DCHS1: variants seen among roughly 807,000 people sequenced by gnomAD.
The protein encoded by DCHS1 is protocadherin-16.
DCHS1 carries 78 observed loss-of-function variants against 213.9 expected under a neutral mutation model. The observed-to-expected ratio is 0.36, with a 90% CI of 0.30 to 0.44. The LOEUF is 0.44. DCHS1 is among the 20% of genes least tolerant of loss of function. The pLI, the probability that DCHS1 is intolerant of heterozygous loss-of-function variation, is 1.00. For missense variants in DCHS1, 3,946 were observed against 4,395.9 expected (o/e 0.90, Z 2.89); for synonymous variants, 1,828 against 1,873.7 (o/e 0.98, Z 0.63).
intron 1 of DCHS1, among the ~76,000 whole-genome samples, chr11:6,642,093 TG>T (rs1290234596): frequency 2.0e-5 from 3 of 152,192 alleles, no homozygotes; most frequent in Admixed American, 6.5e-5. Flanking sequence ...TCTATAACCA[TG>T]TATTTGGTAA....
Position 6,632,002 on chromosome 11 carries a change from G to A in DCHS1, c.3481+29C>T, listed in dbSNP as rs367892897. The A allele has an allele frequency of 2.0e-5, 30 of 1,495,280 alleles. No homozygotes were observed. Among genetic ancestry groups the A allele is most frequent in the South Asian group, 1.8e-4 (13 of 73,476 alleles). 92.6% of individuals were successfully genotyped at this position (1,495,280 alleles called of 1,614,324 possible). The stretch of plus-strand genomic sequence containing the variant: ...CACCAGGCTGGGGATAAGGCTATGC[G>A]GTCTCAGGATTTGGGTCTCTGTGCT... On this transcript the variant is annotated intron_variant, in intron 6 of 20. Transcript: ENST00000299441. The surrounding 1 kb of genome is among the most constrained non-coding windows in gnomAD (Gnocchi z 5.9).
chr11:6,639,701 C>T, intron 2 of DCHS1, 116 bp downstream of exon 2: 1 of 893,910 alleles, frequency 1.1e-6, no homozygotes, highest in Non-Finnish European at 1.7e-6. Flanking sequence ...GGGCAGAACC[C>T]TCTAGCATAA....
At chr11:6,635,800 A>G (rs974047001) in intron 2 of DCHS1, among the ~76,000 whole-genome samples, 2 of 152,242 alleles carry the variant, frequency 1.3e-5, no homozygotes, top group African/African-American at 4.8e-5. Flanking sequence ...GAAGAAAGCA[A>G]TAAACAGTGG....
At chr11:6,642,260 A>C (rs1385486421) in intron 1 of DCHS1, among the ~76,000 whole-genome samples, 1 of 152,150 alleles carries the variant, frequency 6.6e-6, no homozygotes, top group East Asian at 1.9e-4. Flanking sequence ...TCCATTCAAC[A>C]AGAGATTGAG....
Position 6,626,940 on chromosome 11 carries a change from A to G in DCHS1, c.6099T>C (p.Asp2033=). ...ARSPVALGPR[D]RVLFIVATDL... is the part of the protein sequence containing the mutation. ...CAGTGGCCACAATGAAGAGGACACG[A>G]TCTCGGGGGCCTAGAGCTACAGGAG... Residue 2033 remains aspartate (D), a synonymous_variant, in exon 14 of 21, where the codon GAT becomes GAC. Coordinates refer to ENST00000299441, the MANE Select transcript of DCHS1 (RefSeq NM_003737.4). The surrounding 1 kb of genome is among the most constrained non-coding windows in gnomAD (Gnocchi z 5.2). 3 of 1,613,688 alleles carry G rather than the reference A, an allele frequency of 1.9e-6. No homozygotes were observed. The highest frequency in any genetic ancestry group is 2.5e-6 in the Non-Finnish European group (3 of 1,179,876).
At chr11:6,636,203 T>C (rs181821294) in intron 2 of DCHS1, among the ~76,000 whole-genome samples, 1 of 152,236 alleles carries the variant, frequency 6.6e-6, no homozygotes, top group East Asian at 1.9e-4. Context: ...TTTCAAAACA[T>C]AAATTATTTA....
chr11:6,621,795 G>A lies in DCHS1; in HGVS notation c.9881C>T (p.Thr3294Met), dbSNP rs761356492. ...GGGCCACAGCTAGATGTGCAGCTCC[G>A]TGTCATCAGGTGGCTCCAGGCCAGA... Reference protein sequence around the residue: ...AESGLEPPDDTELHI With the variant: ...AESGLEPPDDMELHI Residue 3294 changes from threonine (T) to methionine (M), a missense_variant, in exon 21 of 21, where the codon ACG becomes ATG. Thr to Met is a moderately conservative substitution (Grantham distance 81). This residue lies in a region of DCHS1 where 554 missense variants were observed against 590.2 expected (regional missense o/e 0.94). Transcript: ENST00000299441. 1.2e-4 allele frequency: 189 copies of A among 1,590,856 alleles called. No homozygotes were observed. Among genetic ancestry groups the A allele is most frequent in the Non-Finnish European group, 1.5e-4 (173 of 1,169,268 alleles).
Position 6,628,527 on chromosome 11 carries a change from A to T in DCHS1, c.5371+94T>A. Reference sequence around the variant, plus strand: ...GGACGACATCAAGAGGGAAAAGGAGACCCAGACACATGCACTGAGGCTGAC... The same window carrying T: ...GGACGACATCAAGAGGGAAAAGGAGTCCCAGACACATGCACTGAGGCTGAC... On this transcript the variant is annotated intron_variant, in intron 13 of 20. Transcript: ENST00000299441. The surrounding 1 kb of genome is among the most constrained non-coding windows in gnomAD (Gnocchi z 4.3). The T allele has an allele frequency of 1.4e-6, 2 of 1,405,546 alleles. No homozygotes were observed. Among genetic ancestry groups the T allele is most frequent in the Non-Finnish European group, 1.0e-6 (1 of 998,062 alleles). 87.1% of individuals were successfully genotyped at this position (1,405,546 alleles called of 1,614,324 possible). A position where few individuals can be genotyped will look rare whatever the true frequency, so the allele number is the denominator to read the frequency against.
chr11:6,645,164 C>T (rs193239096), intron 1 of DCHS1, among the ~76,000 whole-genome samples: 1 of 152,368 alleles, frequency 6.6e-6, no homozygotes, highest in Admixed American at 6.5e-5. Context: ...AGCACCATCC[C>T]CTGATAGGCC....
At chr11:6,638,469 C>T (rs892851881) in intron 2 of DCHS1, among the ~76,000 whole-genome samples, 2 of 152,242 alleles carry the variant, frequency 1.3e-5, no homozygotes, top group Non-Finnish European at 2.9e-5. Context: ...ATTAGTACAG[C>T]TGATGCCAGC....
intron 3 of DCHS1, 47 bp from the exon 4 acceptor site, chr11:6,634,067 G>A (rs777702889): frequency 1.2e-6 from 2 of 1,603,246 alleles, no homozygotes; most frequent in African/African-American, 2.7e-5. Context: ...ATCTGGCCCT[G>A]GTGAGTGCCC....
In DCHS1 at chr11:6,634,262, G is replaced by T; in HGVS notation, c.1842C>A (p.Ser614=). 1 of 1,612,948 alleles carries T rather than the reference G, an allele frequency of 6.2e-7. No individual in the cohort carries two copies. The highest frequency in any genetic ancestry group is 1.1e-5 in the South Asian group (1 of 90,932). Residue 614 remains serine (S), a synonymous_variant, in exon 3 of 21, where the codon TCC becomes TCA. Coordinates refer to ENST00000299441, the MANE Select transcript of DCHS1 (RefSeq NM_003737.4). ...DADSGPFGLL[S]YSLGAGLGSS... is the part of the protein sequence containing the mutation. Reference sequence around the variant, plus strand: ...ACCCAAGTCCAGCACCCAAGGAATAGGAGAGGAGGCCAAATGGGCCACTAT... The same window carrying T: ...ACCCAAGTCCAGCACCCAAGGAATATGAGAGGAGGCCAAATGGGCCACTAT...
rs1204202977 is a variant in DCHS1 at position 6,641,277 on chromosome 11, C to T, written c.337G>A (p.Asp113Asn). ...TARVLDREQR[D>N]RYRFTAVTPD... is the part of the protein sequence containing the mutation. Reference sequence around the variant, plus strand: ...GTGACTGCAGTGAAGCGGTAGCGGTCCCGCTGCTCACGGTCCAAGACACGG... The same window carrying T: ...GTGACTGCAGTGAAGCGGTAGCGGTTCCGCTGCTCACGGTCCAAGACACGG... Residue 113 changes from aspartate to asparagine, a missense_variant, in exon 2 of 21, where the codon GAC (aspartate) becomes AAC (asparagine). By Grantham distance (23) the Asp-to-Asn change is conservative (BLOSUM62 1). Coordinates refer to ENST00000299441, the MANE Select transcript of DCHS1 (RefSeq NM_003737.4). The surrounding 1 kb of genome is among the most constrained non-coding windows in gnomAD (Gnocchi z 7.1). 3.1e-6 allele frequency: 5 copies of T among 1,613,570 alleles called. No individual in the cohort carries two copies. Among genetic ancestry groups the T allele is most frequent in the Non-Finnish European group, 4.2e-6 (5 of 1,179,902 alleles).
In DCHS1 at chr11:6,632,765, A is replaced by G; in HGVS notation, c.2747T>C (p.Leu916Pro). The change falls in exon 6 of 21, where the codon CTG becomes CCG. Residue 916 changes from leucine to proline, a missense_variant. By Grantham distance (98) the Leu-to-Pro change is moderately conservative. Around this residue, in one of 3 missense-constraint regions of DCHS1, gnomAD observed 3,384 missense variants for 3,780.1 expected, o/e 0.90. Coordinates refer to ENST00000299441, the MANE Select transcript of DCHS1 (RefSeq NM_003737.4). The surrounding 1 kb of genome is among the most constrained non-coding windows in gnomAD (Gnocchi z 5.9). The stretch of plus-strand genomic sequence containing the variant: ...ACCTGAGTCGGGGTCAAGAGCCCGC[A>G]GTGTATAGATGGGAGTCCCTGGGGC... ...NTAPGTPIYTLRALDPDSGVN... is the reference protein window; with the variant it reads ...NTAPGTPIYTPRALDPDSGVN... 2.5e-6 allele frequency: 4 copies of G among 1,613,346 alleles called. No homozygotes were observed. Among genetic ancestry groups the G allele is most frequent in the Non-Finnish European group, 3.4e-6 (4 of 1,179,618 alleles).
At chr11:6,651,336 G>A (rs1193687096) in intron 1 of DCHS1, among the ~76,000 whole-genome samples, 2 of 152,220 alleles carry the variant, frequency 1.3e-5, no homozygotes, top group South Asian at 2.1e-4. Context: ...ATGGAAAAAG[G>A]TAGTGTCTTT....
intron 2 of DCHS1, among the ~76,000 whole-genome samples, chr11:6,638,259 C>A (rs1449480583): frequency 6.6e-6 from 1 of 152,226 alleles, no homozygotes; most frequent in Non-Finnish European, 1.5e-5. Context: ...ACACTAAGCA[C>A]CAGCCTCCTA....
chr11:6,632,916 G>T lies in DCHS1; in HGVS notation c.2596C>A (p.Arg866=). ...GCTGGGGGCACTCCACTGCCTGCTC[G>T]CACCTCCAGCTCCAACACTGGTCCC... The part of the protein sequence containing the change: ...LLGPVLELEV[R]AGSGVPPAFA... The change falls in exon 6 of 21, where the codon CGA becomes AGA. Residue 866 remains arginine (R), a synonymous_variant. Transcript: ENST00000299441. This position sits in a 1 kb window ranked among gnomAD's most constrained non-coding sequence, Gnocchi z 5.9. The T allele has an allele frequency of 6.2e-7, 1 of 1,614,022 alleles. No individual in the cohort carries two copies. The highest frequency in any genetic ancestry group is 8.5e-7 in the Non-Finnish European group (1 of 1,179,888).
Position 6,622,611 on chromosome 11 carries a change from C to A in DCHS1, c.9065G>T (p.Gly3022Val). The part of the protein sequence containing the change: ...GPGAGGPYPR[G>V]GSLDPSHSSG... Reference sequence around the variant, plus strand: ...TGAATGTGAAGGGTCCAAGGAGCCACCACGGGGGTAGGGTCCTCCAGCTCC... The same window carrying A: ...TGAATGTGAAGGGTCCAAGGAGCCAACACGGGGGTAGGGTCCTCCAGCTCC... The change falls in exon 21 of 21, where the codon GGT becomes GTT. Residue 3022 changes from glycine to valine, a missense_variant. By Grantham distance (109) the Gly-to-Val change is moderately radical. Coordinates refer to ENST00000299441, the MANE Select transcript of DCHS1 (RefSeq NM_003737.4). This position sits in a 1 kb window ranked among gnomAD's most constrained non-coding sequence, Gnocchi z 5.4. 2 of 1,582,354 alleles carry A rather than the reference C, an allele frequency of 1.3e-6. No homozygotes were observed. The highest frequency in any genetic ancestry group is 1.7e-6 in the Non-Finnish European group (2 of 1,164,740).
intron 1 of DCHS1, among the ~76,000 whole-genome samples, chr11:6,654,455 G>C (rs2134665549): frequency 6.6e-6 from 1 of 152,346 alleles, no homozygotes; most frequent in East Asian, 1.9e-4. Context: ...TGTTTCTGGA[G>C]AGTGTTAGCA....
Sources: allele counts gnomAD v4.1 joint callset (sites outside exome capture counted in the v4.1 genomes callset), GRCh38; gene constraint gnomAD v4.1.1; regional missense constraint gnomAD v4.1.1; non-coding constraint Gnocchi (gnomAD v3.1); transcripts MANE v1.5; gene names NCBI Gene and HGNC (gene_info 2026-07-23, HGNC 2026-07-21).